Variants in DDX19B observed in about 807,000 individuals in gnomAD.
The protein encoded by DDX19B is DEAD-box helicase 19B.
Under a neutral mutation model 58.1 loss-of-function variants are expected in DDX19B, and 27 were observed. That is an observed-to-expected ratio of 0.46 (90% CI 0.34 to 0.64). The LOEUF is 0.64. DDX19B is among the 30% of genes least tolerant of loss of function. The probability of loss-of-function intolerance (pLI) is 0.01; values close to 1 mark genes in which losing one functional copy is unlikely to be tolerated. For synonymous variants in DDX19B, 187 were observed against 214.4 expected (o/e 0.87, Z 1.12); for missense variants, 399 against 596.5 (o/e 0.67, Z 3.45).
In DDX19B at chr16:70,299,293, G is replaced by C; in HGVS notation, c.-5G>C. 1 of 1,589,658 alleles carries C rather than the reference G, an allele frequency of 6.3e-7. No homozygotes were observed. Among genetic ancestry groups the C allele is most frequent in the African/African-American group, 1.4e-5 (1 of 73,950 alleles). On this transcript the variant is annotated 5_prime_UTR_variant, in exon 1 of 12. Coordinates refer to ENST00000288071, the MANE Select transcript of DDX19B (RefSeq NM_007242.7). ...AGCACGAGCGTCCCACCCGCGCCTG[G>C]GACCATGGCCACTGACTCATGGGCC...
intron 4 of DDX19B, among the ~76,000 whole-genome samples, chr16:70,317,041 C>A (rs1271750565): frequency 6.6e-6 from 1 of 151,818 alleles, no homozygotes; most frequent in Non-Finnish European, 1.5e-5. Context: ...CCCATCTCTA[C>A]TAAAAATACA....
At chr16:70,292,095 T>C (rs1961072347), upstream of DDX19B, among the ~76,000 whole-genome samples, 1 of 152,094 alleles carries the variant, frequency 6.6e-6, no homozygotes, top group African/African-American at 2.4e-5. Flanking sequence ...AAGGCTTCAG[T>C]GAGCTGAGAT....
chr16:70,317,873 A>T (rs1267493907), intron 5 of DDX19B: 1 of 215,424 alleles, frequency 4.6e-6, no homozygotes. Context: ...TGAGCCCAGG[A>T]GTTTGAGGTT....
At position 70,316,075 on chromosome 16, in the gene DDX19B, C is replaced by T. The variant is rs1962385718; in HGVS notation, c.267C>T (p.Tyr89=). The change falls in exon 4 of 12, where the codon TAC becomes TAT. Residue 89 remains tyrosine (Y), a synonymous_variant. Transcript: ENST00000288071. ...AGCGGGATCCAAACTCCCCTCTGTA[C>T]TCGGTGAAGTCTTTTGAAGAGCTTC... ...VLQRDPNSPL[Y]SVKSFEELRL... is the part of the protein sequence containing the mutation. The T allele has an allele frequency of 6.2e-7, 1 of 1,614,114 alleles. No homozygotes were observed. Among genetic ancestry groups the T allele is most frequent in the Non-Finnish European group, 8.5e-7 (1 of 1,180,038 alleles).
intron 4 of DDX19B, 62 bp from the exon 5 acceptor site, chr16:70,317,434 G>T (rs528519218): frequency 2.7e-4 from 351 of 1,299,546 alleles, no homozygotes; most frequent in Non-Finnish European, 3.6e-4. Flanking sequence ...AAATCCTCCA[G>T]ATATTTTGCT....
upstream of DDX19B, among the ~76,000 whole-genome samples, chr16:70,292,816 A>G (rs1961094909): frequency 6.6e-6 from 1 of 151,686 alleles, no homozygotes; most frequent in Non-Finnish European, 1.5e-5. Flanking sequence ...CCGCAGAGTG[A>G]AACAACAGGC....
chr16:70,326,433 C>T (rs1202593828), intron 7 of DDX19B, among the ~76,000 whole-genome samples: 7 of 152,186 alleles, frequency 4.6e-5, no homozygotes, highest in Non-Finnish European at 8.8e-5. Flanking sequence ...GCTGAAATAG[C>T]GCCACTGCAC....
At chr16:70,303,146 TG>T (rs1961564056) in intron 1 of DDX19B, among the ~76,000 whole-genome samples, 1 of 152,208 alleles carries the variant, frequency 6.6e-6, no homozygotes, top group Non-Finnish European at 1.5e-5. Flanking sequence ...TTTTTGTTTT[TG>T]TTTTTTTTGA....
chr16:70,316,096 G>C lies in DDX19B; in HGVS notation c.288G>C (p.Glu96Asp). The C allele has an allele frequency of 6.2e-7, 1 of 1,614,074 alleles. No homozygotes were observed. Among genetic ancestry groups the C allele is most frequent in the Non-Finnish European group, 8.5e-7 (1 of 1,180,020 alleles). Residue 96 changes from glutamate to aspartate, a missense_variant, in exon 4 of 12, where the codon GAG becomes GAC. Physicochemically the swap from Glu to Asp is conservative, Grantham distance 45 (BLOSUM62 2). This residue lies in a region of DDX19B where 132 missense variants were observed against 159.4 expected (regional missense o/e 0.83). Transcript: ENST00000288071. ...SPLYSVKSFEELRLKPQLLQG... is the reference protein window; with the variant it reads ...SPLYSVKSFEDLRLKPQLLQG... ...TGTACTCGGTGAAGTCTTTTGAAGA[G>C]CTTCGGCTGTGAGTATTTATTCACC...
chr16:70,299,127 C>T (rs1961339083), upstream of DDX19B: 4 of 1,354,860 alleles, frequency 3.0e-6, no homozygotes, highest in Non-Finnish European at 3.8e-6. Context: ...CTCAAGTGGG[C>T]AAAGGGTGGC....
intron 1 of DDX19B, among the ~76,000 whole-genome samples, chr16:70,301,597 A>G (rs1402192959): frequency 6.6e-6 from 1 of 151,844 alleles, no homozygotes; most frequent in Non-Finnish European, 1.5e-5. Flanking sequence ...AGTTATGAGA[A>G]CTTTTCCTGA....
At chr16:70,293,958 A>G (rs1961128076), upstream of DDX19B, among the ~76,000 whole-genome samples, 1 of 151,714 alleles carries the variant, frequency 6.6e-6, no homozygotes, top group South Asian at 2.1e-4. Context: ...AATTGAGCAT[A>G]TTATAATTTT....
intron 5 of DDX19B, among the ~76,000 whole-genome samples, chr16:70,324,377 A>G (rs1963026438): frequency 6.6e-6 from 1 of 150,744 alleles, no homozygotes; most frequent in Non-Finnish European, 1.5e-5. Context: ...AAAAAAAAAA[A>G]AAAAAAAAAA....
intron 5 of DDX19B, among the ~76,000 whole-genome samples, chr16:70,324,263 TG>T (rs1963014951): frequency 6.7e-6 from 1 of 148,350 alleles, no homozygotes; most frequent in Admixed American, 6.9e-5. Flanking sequence ...TTTGGGAGGC[TG>T]AGGCAAGAGG....
intron 1 of DDX19B, among the ~76,000 whole-genome samples, chr16:70,307,197 G>A (rs1208203436): frequency 6.6e-6 from 1 of 152,072 alleles, no homozygotes; most frequent in Non-Finnish European, 1.5e-5. Flanking sequence ...ACAAGTTTTT[G>A]TGTGGACATA....
intron 4 of DDX19B, among the ~76,000 whole-genome samples, chr16:70,316,497 C>T (rs556483355): frequency 1.3e-5 from 2 of 152,190 alleles, no homozygotes; most frequent in South Asian, 2.1e-4. Context: ...CATGAGCCAC[C>T]GCACCCAGCT....
chr16:70,299,317 C>A lies in DDX19B; in HGVS notation c.20C>A (p.Ala7Asp), dbSNP rs1961355656. The stretch of plus-strand genomic sequence containing the variant: ...GGGACCATGGCCACTGACTCATGGG[C>A]CCTGGCGGTGGACGAGCAGGAAGCT... MATDSW[A>D]LAVDEQEAAA... Residue 7 changes from alanine (A) to aspartate (D), a missense_variant, in exon 1 of 12, where the codon GCC (alanine) becomes GAC (aspartate). This residue lies in a region of DDX19B where 132 missense variants were observed against 159.4 expected (regional missense o/e 0.83). Coordinates refer to ENST00000288071, the MANE Select transcript of DDX19B (RefSeq NM_007242.7). The A allele has an allele frequency of 6.2e-7, 1 of 1,607,018 alleles. No homozygotes were observed. The highest frequency in any genetic ancestry group is 1.1e-5 in the South Asian group (1 of 89,784).
intron 1 of DDX19B, among the ~76,000 whole-genome samples, chr16:70,308,624 G>C (rs756291434): frequency 1.3e-5 from 2 of 151,516 alleles, no homozygotes; most frequent in Non-Finnish European, 2.9e-5. Flanking sequence ...CTCCCTCCTC[G>C]GCCTCCAAAA....
intron 1 of DDX19B, among the ~76,000 whole-genome samples, chr16:70,311,251 G>C (rs1411757827): frequency 6.7e-6 from 1 of 148,728 alleles, no homozygotes; most frequent in African/African-American, 2.5e-5. Flanking sequence ...GTGGTGGCGG[G>C]CGCCTGTAGT....
Sources: gnomAD v4.1 joint callset for allele counts (sites outside exome capture counted in the v4.1 genomes callset) on GRCh38, gnomAD v4.1.1 for gene constraint, gnomAD v4.1.1 regional missense constraint, MANE v1.5 for transcripts, NCBI Gene and HGNC (gene_info 2026-07-23, HGNC 2026-07-21) for gene names.